SPSB1: variants seen among roughly 807,000 people sequenced by gnomAD.
SPSB1 encodes the protein SPRY domain-containing SOCS box protein 1.
SPSB1 carries 8 observed loss-of-function variants against 21.2 expected under a neutral mutation model. That is an observed-to-expected ratio of 0.38 (90% confidence interval 0.22 to 0.68). The LOEUF (loss-of-function observed/expected upper bound fraction) is 0.68, where lower values mean the gene tolerates loss of function less well. Among genes scored for constraint, SPSB1 ranks in the 30% least tolerant of loss-of-function variants. SPSB1 has a pLI of 0.53. For missense variants in SPSB1, 242 were observed against 377.8 expected (o/e 0.64, Z 2.98); for synonymous variants, 169 against 161.7 (o/e 1.05, Z -0.34).
chr1:9,348,938 TGTG>T lies in SPSB1; in HGVS notation c.-149-6804_-149-6802del, dbSNP rs1640206702. Among the ~76,000 whole-genome samples, 1 of 3,146 alleles carries T rather than the reference TGTG, an allele frequency of 3.2e-4. No individual in the cohort carries two copies. The highest frequency in any genetic ancestry group is 1.1e-3 in the Admixed American group (1 of 906). The allele number at this position is 3,146 out of a possible 152,430, so 2.1% of individuals were successfully genotyped here. A position where few individuals can be genotyped will look rare whatever the true frequency, so the allele number is the denominator to read the frequency against. Reference sequence around the variant, plus strand: ...ACATCCCCTTTCACTCGTGCAAGAATGTGTGTGTGTGTGTGTGTGTGTGTGTAT... The same window carrying T: ...ACATCCCCTTTCACTCGTGCAAGAATTGTGTGTGTGTGTGTGTGTGTGTAT... On this transcript the variant is annotated intron_variant, in intron 1 of 2. Transcript: ENST00000328089. This position sits in a 1 kb window ranked among gnomAD's most constrained non-coding sequence, Gnocchi z 4.8.
intron 1 of SPSB1, among the ~76,000 whole-genome samples, chr1:9,296,844 T>C (rs1204512229): frequency 4.6e-5 from 7 of 152,204 alleles, no homozygotes; most frequent in Non-Finnish European, 5.9e-5. Context: ...CAACAGCACA[T>C]TGGGGGATCT....
chr1:9,297,043 C>T (rs914704683), intron 1 of SPSB1, among the ~76,000 whole-genome samples: 1 of 152,220 alleles, frequency 6.6e-6, no homozygotes, highest in Non-Finnish European at 1.5e-5. Flanking sequence ...AGGCACAGCC[C>T]AGCCTTGCCT....
intron 1 of SPSB1, among the ~76,000 whole-genome samples, chr1:9,352,837 C>T (rs1433837425): frequency 6.7e-6 from 1 of 149,786 alleles, no homozygotes; most frequent in Admixed American, 6.6e-5. Flanking sequence ...ACCCTCCCCT[C>T]CCTCCCCCAG....
At chr1:9,304,869 C>T (rs1639387196) in intron 1 of SPSB1, among the ~76,000 whole-genome samples, 1 of 152,114 alleles carries the variant, frequency 6.6e-6, no homozygotes, top group Non-Finnish European at 1.5e-5. Context: ...GACGGTGTCT[C>T]CCTATGTTGC....
chr1:9,320,100 C>T (rs1639692746), intron 1 of SPSB1, among the ~76,000 whole-genome samples: 1 of 152,188 alleles, frequency 6.6e-6, no homozygotes, highest in East Asian at 1.9e-4. Flanking sequence ...GCCAGGGACC[C>T]CAGGTGTCCA....
At chr1:9,322,313 C>T (rs565680726) in intron 1 of SPSB1, among the ~76,000 whole-genome samples, 11 of 152,242 alleles carry the variant, frequency 7.2e-5, no homozygotes, top group Admixed American at 3.9e-4. Context: ...AACTGAGGTT[C>T]GGAAAGTCTC....
intron 1 of SPSB1, among the ~76,000 whole-genome samples, chr1:9,334,952 A>G (rs1639980895): frequency 6.6e-6 from 1 of 152,164 alleles, no homozygotes; most frequent in Non-Finnish European, 1.5e-5. Context: ...CTGTCCGTGG[A>G]CGCGGGTTGC....
chr1:9,333,697 T>G, intron 1 of SPSB1, among the ~76,000 whole-genome samples: 1 of 152,204 alleles, frequency 6.6e-6, no homozygotes, highest in East Asian at 1.9e-4. Flanking sequence ...CAGTGTAGGC[T>G]GACCCCAGAG....
chr1:9,349,612 C>A (rs999269477), intron 1 of SPSB1, among the ~76,000 whole-genome samples: 1 of 152,242 alleles, frequency 6.6e-6, no homozygotes, highest in Non-Finnish European at 1.5e-5. Context: ...AAGCTATCCA[C>A]GGGACATGTC....
chr1:9,354,557 C>T (rs994043895), intron 1 of SPSB1, among the ~76,000 whole-genome samples: 2 of 152,070 alleles, frequency 1.3e-5, no homozygotes, highest in Non-Finnish European at 2.9e-5. Context: ...AGAACTCTTC[C>T]TGGCCAGCAC....
intron 1 of SPSB1, among the ~76,000 whole-genome samples, chr1:9,347,629 C>T (rs1346529454): frequency 1.3e-5 from 2 of 152,330 alleles, no homozygotes; most frequent in South Asian, 2.1e-4. Flanking sequence ...GCGACAGCAT[C>T]GTGTTACATT....
rs1029482497 is a variant in SPSB1, at chr1:9,317,624, C to T, written c.-150+24553C>T. 1.3e-5 allele frequency among the ~76,000 whole-genome samples: 2 copies of T among 152,068 alleles called. No individual in the cohort carries two copies. Among genetic ancestry groups the T allele is most frequent in the African/African-American group, 4.8e-5 (2 of 41,374 alleles). The stretch of plus-strand genomic sequence containing the variant: ...AGCTGGGACCTCAGGTATGCACTAC[C>T]ACGCCCAGATATATATATATTTTTG... On this transcript the variant is annotated intron_variant, in intron 1 of 2. Transcript: ENST00000328089. This position sits in a 1 kb window ranked among gnomAD's most constrained non-coding sequence, Gnocchi z 4.3.
intron 1 of SPSB1, among the ~76,000 whole-genome samples, chr1:9,315,573 G>A (rs1639600498): frequency 6.6e-6 from 1 of 152,258 alleles, no homozygotes; most frequent in Non-Finnish European, 1.5e-5. Flanking sequence ...ACCATCGAGT[G>A]ATGCACACTC....
intron 1 of SPSB1, among the ~76,000 whole-genome samples, chr1:9,354,455 T>G (rs1449699409): frequency 6.6e-6 from 1 of 152,056 alleles, no homozygotes; most frequent in Non-Finnish European, 1.5e-5. Context: ...CTCTGGTCCC[T>G]TCCAGAGGCC....
In SPSB1 at chr1:9,293,857, CGT is replaced by C. The variant is rs1415924343; in HGVS notation, c.-150+793_-150+794del. ...GCGGGTGTCTCTGAGAGTGCATCTG[CGT>C]GTGTGTTTGTGCATGTCCTTGTGAA... On this transcript the variant is annotated intron_variant, in intron 1 of 2. Coordinates refer to ENST00000328089, the MANE Select transcript of SPSB1 (RefSeq NM_025106.4). The surrounding 1 kb of genome is among the most constrained non-coding windows in gnomAD (Gnocchi z 5.1). Among the ~76,000 whole-genome samples, 3 of 151,904 alleles carry C rather than the reference CGT, an allele frequency of 2.0e-5. No homozygotes were observed. The highest frequency in any genetic ancestry group is 7.3e-5 in the African/African-American group (3 of 41,320).
At chr1:9,331,030 G>A (rs1358500902) in intron 1 of SPSB1, among the ~76,000 whole-genome samples, 2 of 152,064 alleles carry the variant, frequency 1.3e-5, no homozygotes, top group Non-Finnish European at 2.9e-5. Flanking sequence ...GCACTGACCT[G>A]TATGTCTGCA....
At chr1:9,311,160 G>T (rs1569577254) in intron 1 of SPSB1, among the ~76,000 whole-genome samples, 2 of 133,536 alleles carry the variant, frequency 1.5e-5, no homozygotes, top group Non-Finnish European at 3.2e-5. Flanking sequence ...AGGATAAAGG[G>T]TTTTTTTTTT....
intron 1 of SPSB1, among the ~76,000 whole-genome samples, chr1:9,320,083 GCAGGCCGC>G (rs1488652495): frequency 6.6e-6 from 1 of 152,166 alleles, no homozygotes; most frequent in Non-Finnish European, 1.5e-5. Context: ...CCTGCTCAGG[GCAGGCCGC>G]CAGGGACCCC....
intron 1 of SPSB1, among the ~76,000 whole-genome samples, chr1:9,309,283 TGAGAGA>T (rs748979653): frequency 2.8e-4 from 38 of 137,640 alleles, no homozygotes; most frequent in Admixed American, 3.0e-4. Context: ...AGAGAGAGTG[TGAGAGA>T]GAGAGAGAGA....
Sources: gnomAD v4.1 joint callset for allele counts (sites outside exome capture counted in the v4.1 genomes callset) on GRCh38, gnomAD v4.1.1 for gene constraint, Gnocchi (gnomAD v3.1) non-coding constraint, MANE v1.5 for transcripts, NCBI Gene and HGNC (gene_info 2026-07-23, HGNC 2026-07-21) for gene names.